CD36: variants seen among roughly 807,000 people sequenced by gnomAD.
CD36 encodes the protein CD36 molecule (CD36 blood group).
Under a neutral mutation model 55.2 loss-of-function variants are expected in CD36, and 119 were observed. The observed-to-expected ratio is 2.15, with a 90% confidence interval of 1.86 to 2.51. CD36 has a LOEUF of 2.51. CD36 is among the 30% of genes most tolerant of loss of function. The probability of loss-of-function intolerance (pLI) is 0.00; values close to 1 mark genes in which losing one functional copy is unlikely to be tolerated. For synonymous variants in CD36, 186 were observed against 193.6 expected (o/e 0.96, Z 0.33); for missense variants, 819 against 555.5 (o/e 1.47, Z -4.77).
intron 3 of CD36, among the ~76,000 whole-genome samples, chr7:80,651,031 A>C (rs1015130640): frequency 6.6e-6 from 1 of 152,218 alleles, no homozygotes; most frequent in Non-Finnish European, 1.5e-5. Flanking sequence ...CATTTACAAA[A>C]GATAATTTAT....
intron 9 of CD36, 106 bp downstream of exon 9, chr7:80,670,128 C>T (rs1584457682): frequency 5.8e-5 from 45 of 773,588 alleles, no homozygotes; most frequent in South Asian, 5.3e-4. Context: ...TGTTTATTAA[C>T]TAACTCTTTG....
At position 80,670,965 on chromosome 7, in the gene CD36, C is replaced by T. The variant is rs780361615; in HGVS notation, c.819-12C>T. ...GGTTCCTGGAATGCAGCTCTTTTTT[C>T]TCTGTATTTAGGTCAATCTATGCTG... On this transcript the variant is annotated splice_polypyrimidine_tract_variant and intron_variant, in intron 9 of 14. Coordinates refer to ENST00000447544, the MANE Select transcript of CD36 (RefSeq NM_001001548.3). 3.8e-6 allele frequency: 6 copies of T among 1,596,366 alleles called. No individual in the cohort carries two copies. The South Asian group carries it at 4.4e-5, about 12-fold the overall frequency.
intron 1 of CD36, among the ~76,000 whole-genome samples, chr7:80,645,688 A>T (rs1236273151): frequency 2.0e-5 from 3 of 152,144 alleles, no homozygotes; most frequent in East Asian, 1.9e-4. Flanking sequence ...ATTGACAAAT[A>T]TATACTAACA....
chr7:80,671,466 T>C (rs1232253604), intron 10 of CD36, among the ~76,000 whole-genome samples: 1 of 152,144 alleles, frequency 6.6e-6, no homozygotes, highest in Non-Finnish European at 1.5e-5. Context: ...AGTATTTCCT[T>C]GTGGCTGCTT....
At chr7:80,634,834 G>C (rs547683085), upstream of CD36, among the ~76,000 whole-genome samples, 9 of 151,754 alleles carry the variant, frequency 5.9e-5, no homozygotes, top group South Asian at 1.7e-3. Flanking sequence ...GTGGATAAAG[G>C]CTTTCAAAGC....
intron 7 of CD36, among the ~76,000 whole-genome samples, chr7:80,664,946 G>A (rs1796914752): frequency 6.6e-6 from 1 of 151,170 alleles, no homozygotes; most frequent in African/African-American, 2.4e-5. Flanking sequence ...CCATATTCCA[G>A]TGGCATGACC....
chr7:80,670,901 C>T (rs1036543468), intron 9 of CD36, 76 bp from the exon 10 acceptor site: 105 of 1,036,036 alleles, frequency 1.0e-4, no homozygotes, highest in Non-Finnish European at 3.4e-5. Context: ...TAAGTTAAAA[C>T]AAGAATAAGA....
Position 80,677,158 on chromosome 7 carries a change from G to T in CD36, c.*775G>T, listed in dbSNP as rs2116946630. Reference sequence around the variant, plus strand: ...TCTAAATTTCTACCACTTTGTTCTAGGCTAATTTTTTAAGCTAATTGGATG... The same window carrying T: ...TCTAAATTTCTACCACTTTGTTCTATGCTAATTTTTTAAGCTAATTGGATG... On this transcript the variant is annotated 3_prime_UTR_variant, in exon 15 of 15. Transcript: ENST00000447544. 1 of 152,146 alleles carries T rather than the reference G, an allele frequency of 6.6e-6. No individual in the cohort carries two copies. The highest frequency in any genetic ancestry group is 1.9e-4 in the East Asian group (1 of 5,166). The allele number at this position is 152,146 out of a possible 1,614,324, so 9.4% of individuals were successfully genotyped here. A position where few individuals can be genotyped will look rare whatever the true frequency, so the allele number is the denominator to read the frequency against.
intron 1 of CD36, among the ~76,000 whole-genome samples, chr7:80,615,671 T>G (rs1793109734): frequency 6.6e-6 from 1 of 152,214 alleles, no homozygotes; most frequent in African/African-American, 2.4e-5. Context: ...AGTGTTTGAA[T>G]GAATAAGTTA....
rs1798181417 is a variant in CD36 at position 80,676,854 on chromosome 7, T to A, written c.*471T>A. ...CAACTTACGCTTGGCATCTTCAGAA[T>A]GCTTTTCTAGCATTAAGAGATGTAA... On this transcript the variant is annotated 3_prime_UTR_variant, in exon 15 of 15. Transcript: ENST00000447544. 1 of 152,110 alleles carries A rather than the reference T, an allele frequency of 6.6e-6. No individual in the cohort carries two copies. The highest frequency in any genetic ancestry group is 1.5e-5 in the Non-Finnish European group (1 of 68,012). The allele number at this position is 152,110 out of a possible 1,614,324, so 9.4% of individuals were successfully genotyped here.
In CD36 at chr7:80,671,943, T is replaced by C; in HGVS notation, c.1028T>C (p.Leu343Pro). The stretch of plus-strand genomic sequence containing the variant: ...TCAGGGAGACCTGTGTACATTTCAC[T>C]TCCTCATTTTCTGTATGCAAGTCCT... Reference protein sequence around the residue: ...CKEGRPVYISLPHFLYASPDV... With the variant: ...CKEGRPVYISPPHFLYASPDV... Residue 343 changes from leucine to proline, a missense_variant, in exon 11 of 15, where the codon CTT becomes CCT. Leu to Pro is a moderately conservative substitution (Grantham distance 98, BLOSUM62 -3). Transcript: ENST00000447544. 6.2e-7 allele frequency: 1 copy of C among 1,611,536 alleles called. No homozygotes were observed. Among genetic ancestry groups the C allele is most frequent in the Non-Finnish European group, 8.5e-7 (1 of 1,178,248 alleles).
At chr7:80,620,099 C>G (rs1793379745) in intron 1 of CD36, among the ~76,000 whole-genome samples, 1 of 151,290 alleles carries the variant, frequency 6.6e-6, no homozygotes, top group Non-Finnish European at 1.5e-5. Flanking sequence ...GAAAAACTTT[C>G]TAAACCATGT....
intron 1 of CD36, among the ~76,000 whole-genome samples, chr7:80,604,927 G>T (rs17154155): frequency 0.44 from 66,838 of 151,740 alleles, 15,094 homozygotes; most frequent in South Asian, 0.69. Context: ...TCATTTGGAG[G>T]TTCCTTTGGT....
intron 14 of CD36, 107 bp downstream of exon 14, chr7:80,674,254 A>G (rs1798046382): frequency 2.6e-6 from 2 of 769,676 alleles, no homozygotes; most frequent in Non-Finnish European, 4.4e-6. Flanking sequence ...ATTTCTAGAC[A>G]TGTCTAGCCA....
chr7:80,617,077 C>A (rs1414354540), intron 1 of CD36, among the ~76,000 whole-genome samples: 1 of 152,074 alleles, frequency 6.6e-6, no homozygotes, highest in African/African-American at 2.4e-5. Context: ...ATATCTAACA[C>A]AAAATCAGAG....
intron 1 of CD36, among the ~76,000 whole-genome samples, chr7:80,605,040 TA>T (rs1792465482): frequency 6.6e-6 from 1 of 152,134 alleles, no homozygotes; most frequent in Non-Finnish European, 1.5e-5. Flanking sequence ...AGTGAAGTAA[TA>T]AAAATTAGTG....
intron 1 of CD36, among the ~76,000 whole-genome samples, chr7:80,611,706 C>G (rs1448292691): frequency 6.6e-6 from 1 of 152,090 alleles, no homozygotes; most frequent in Non-Finnish European, 1.5e-5. Flanking sequence ...GGAGGTGATA[C>G]TGAAGGAAAT....
intron 1 of CD36, among the ~76,000 whole-genome samples, chr7:80,602,865 A>G (rs1419853868): frequency 1.3e-5 from 2 of 152,188 alleles, no homozygotes; most frequent in East Asian, 3.8e-4. Flanking sequence ...TAGAATTTGA[A>G]TGACCTTCTT....
In CD36 at chr7:80,676,830, A is replaced by C. The variant is rs1798180731; in HGVS notation, c.*447A>C. On this transcript the variant is annotated 3_prime_UTR_variant, in exon 15 of 15. Coordinates refer to ENST00000447544, the MANE Select transcript of CD36 (RefSeq NM_001001548.3). Reference sequence around the variant, plus strand: ...TGCTTTTTTTTTTTTACTCAGTTGCAACTTACGCTTGGCATCTTCAGAATG... The same window carrying C: ...TGCTTTTTTTTTTTTACTCAGTTGCCACTTACGCTTGGCATCTTCAGAATG... 6.6e-6 allele frequency: 1 copy of C among 151,824 alleles called. No individual in the cohort carries two copies. The highest frequency in any genetic ancestry group is 1.5e-5 in the Non-Finnish European group (1 of 67,986). 9.4% of individuals were successfully genotyped at this position (151,824 alleles called of 1,614,324 possible).
Sources: gnomAD v4.1 joint callset for allele counts (sites outside exome capture counted in the v4.1 genomes callset) on GRCh38, gnomAD v4.1.1 for gene constraint, MANE v1.5 for transcripts, NCBI Gene and HGNC (gene_info 2026-07-23, HGNC 2026-07-21) for gene names.